CSNK1G1: variants seen among roughly 807,000 people sequenced by gnomAD.
CSNK1G1 encodes the protein casein kinase 1 gamma 1.
A neutral mutation model predicts 59.6 loss-of-function variants in CSNK1G1; 22 were observed. The observed-to-expected ratio is 0.37, with a 90% confidence interval of 0.26 to 0.53. The LOEUF is 0.53. Ranked by LOEUF, CSNK1G1 falls within the 20% of genes least tolerant of loss-of-function variation. CSNK1G1 has a pLI of 0.89. For synonymous variants in CSNK1G1, 179 were observed against 177.1 expected, an observed-to-expected ratio of 1.01 and a Z score of -0.08; for missense variants, 384 against 519.5, an observed-to-expected ratio of 0.74 and a Z score of 2.54.
At chr15:64,199,969 G>A (rs1434665712) in intron 10 of CSNK1G1, among the ~76,000 whole-genome samples, 1 of 152,202 alleles carries the variant, frequency 6.6e-6, no homozygotes, top group African/African-American at 2.4e-5. Flanking sequence ...AAGGTGCCGG[G>A]CATGGTGGTT....
chr15:64,325,495 A>G (rs1566948390), intron 1 of CSNK1G1, among the ~76,000 whole-genome samples: 1 of 152,168 alleles, frequency 6.6e-6, no homozygotes, highest in Non-Finnish European at 1.5e-5. Context: ...ACCAAGAGAA[A>G]CTCATAGCCC....
At chr15:64,275,888 C>G (rs1403391417) in intron 2 of CSNK1G1, among the ~76,000 whole-genome samples, 1 of 151,972 alleles carries the variant, frequency 6.6e-6, no homozygotes, top group East Asian at 1.9e-4. Context: ...GAGTTATGAT[C>G]AAAGAATAAT....
At chr15:64,325,817 T>C (rs998890579) in intron 1 of CSNK1G1, among the ~76,000 whole-genome samples, 7 of 152,194 alleles carry the variant, frequency 4.6e-5, no homozygotes, top group African/African-American at 1.7e-4. Flanking sequence ...GGTAAGTAAT[T>C]GGCCTAATAC....
At chr15:64,283,940 T>C (rs1278357350) in intron 2 of CSNK1G1, among the ~76,000 whole-genome samples, 1 of 152,202 alleles carries the variant, frequency 6.6e-6, no homozygotes, top group Non-Finnish European at 1.5e-5. Flanking sequence ...ATCCTTATGT[T>C]TGTTTTTTTT....
At chr15:64,319,283 T>C (rs1896435442) in intron 1 of CSNK1G1, among the ~76,000 whole-genome samples, 1 of 152,224 alleles carries the variant, frequency 6.6e-6, no homozygotes, top group East Asian at 1.9e-4. Flanking sequence ...ATGTTAGACT[T>C]TGAGCTGGTT....
chr15:64,255,184 C>A (rs1200356501), intron 3 of CSNK1G1, among the ~76,000 whole-genome samples: 1 of 152,124 alleles, frequency 6.6e-6, no homozygotes, highest in Non-Finnish European at 1.5e-5. Flanking sequence ...TCAAGCAATT[C>A]TTCTGCCTCA....
intron 11 of CSNK1G1, among the ~76,000 whole-genome samples, chr15:64,173,102 G>GA (rs34449069): frequency 6.6e-6 from 1 of 152,174 alleles, no homozygotes; most frequent in Non-Finnish European, 1.5e-5. Context: ...AAACTTTTCT[G>GA]AAAAAACTAT....
intron 1 of CSNK1G1, among the ~76,000 whole-genome samples, chr15:64,346,866 T>C (rs995395741): frequency 1.4e-4 from 22 of 151,926 alleles, no homozygotes; most frequent in African/African-American, 4.8e-4. Flanking sequence ...ATTAAGAGAA[T>C]AAAAAGACAA....
At chr15:64,204,185 G>C (rs2082147090) in intron 9 of CSNK1G1, among the ~76,000 whole-genome samples, 1 of 151,674 alleles carries the variant, frequency 6.6e-6, no homozygotes, top group Non-Finnish European at 1.5e-5. Context: ...TAAAAACTGG[G>C]CTTAAATTCT....
At chr15:64,219,650 A>T (rs903214197) in intron 4 of CSNK1G1, among the ~76,000 whole-genome samples, 4 of 151,528 alleles carry the variant, frequency 2.6e-5, no homozygotes, top group African/African-American at 9.7e-5. Flanking sequence ...TCCAGAGATG[A>T]GCTCCCACTA....
In CSNK1G1 at chr15:64,217,034, C is replaced by T. The variant is rs113149746; in HGVS notation, c.293-321G>A. 3.9e-3 allele frequency among the ~76,000 whole-genome samples: 592 copies of T among 152,322 alleles called. 7 individuals carry two copies. The highest frequency in any genetic ancestry group is 0.014 in the African/African-American group (566 of 41,572). ...CTTCCCAAAAGGATGCCTGAAAGTG[C>T]AGTATCATAAAAGGCTCAAAGGATG... is the stretch of plus-strand genomic sequence containing the variant. On this transcript the variant is annotated intron_variant, in intron 4 of 11. Transcript: ENST00000303052.
intron 2 of CSNK1G1, among the ~76,000 whole-genome samples, chr15:64,267,194 T>A (rs1405825128): frequency 6.9e-6 from 1 of 145,920 alleles, no homozygotes; most frequent in East Asian, 2.0e-4. Flanking sequence ...GAGGAGGAGG[T>A]TGAAGTGAGC....
Position 64,329,787 on chromosome 15 carries a change from TAAAG to T in CSNK1G1, c.-225+26197_-225+26200del, listed in dbSNP as rs1178387033. Among the ~76,000 whole-genome samples, 4 of 53,756 alleles carry T rather than the reference TAAAG, an allele frequency of 7.4e-5. No homozygotes were observed. The East Asian group carries it at 2.3e-3, about 31-fold the overall frequency. The allele number at this position is 53,756 out of a possible 152,430, so 35.3% of individuals were successfully genotyped here. ...ATTGATAGACCGCTAGCAAGACTAATAAAGAAAAAAAGAGAGAAGAATCAAATAG... is the reference window on the plus strand; with the variant it reads ...ATTGATAGACCGCTAGCAAGACTAATAAAAAAAGAGAGAAGAATCAAATAG... On this transcript the variant is annotated intron_variant, in intron 1 of 11. Transcript: ENST00000303052.
intron 1 of CSNK1G1, among the ~76,000 whole-genome samples, chr15:64,311,679 A>T (rs1287101776): frequency 2.3e-4 from 2 of 8,748 alleles, no homozygotes; most frequent in Non-Finnish European, 7.9e-4. Flanking sequence ...AAAAAAGTGA[A>T]AAAAAAAAAA....
chr15:64,232,533 A>G (rs2082563083), intron 4 of CSNK1G1, among the ~76,000 whole-genome samples: 1 of 152,200 alleles, frequency 6.6e-6, no homozygotes. Context: ...ATTCTCTTCA[A>G]TGACTCACCT....
At chr15:64,287,946 A>AC (rs149895226) in intron 2 of CSNK1G1, among the ~76,000 whole-genome samples, 6,713 of 152,300 alleles carry the variant, frequency 0.044, 190 homozygotes, top group South Asian at 0.085. Context: ...GTGAGGAAAC[A>AC]GTAGACTAGA....
chr15:64,181,037 C>G, intron 10 of CSNK1G1: 3 of 922,938 alleles, frequency 3.3e-6, no homozygotes, highest in Non-Finnish European at 4.6e-6. Flanking sequence ...CAGTGGGTAC[C>G]AGAAACTATA....
At chr15:64,352,830 T>G (rs1452046519) in intron 1 of CSNK1G1, among the ~76,000 whole-genome samples, 1 of 152,098 alleles carries the variant, frequency 6.6e-6, no homozygotes, top group Non-Finnish European at 1.5e-5. Context: ...GGCTCATGCC[T>G]GTAATCCCAG....
At chr15:64,237,223 C>A (rs1457868150) in intron 4 of CSNK1G1, among the ~76,000 whole-genome samples, 2 of 152,084 alleles carry the variant, frequency 1.3e-5, no homozygotes, top group Admixed American at 1.3e-4. Context: ...GACTTGACCA[C>A]TATGCAATCT....
Sources: gnomAD v4.1 joint callset for allele counts (sites outside exome capture counted in the v4.1 genomes callset) on GRCh38, gnomAD v4.1.1 for gene constraint, MANE v1.5 for transcripts, NCBI Gene and HGNC (gene_info 2026-07-23, HGNC 2026-07-21) for gene names.